Variants in SGSM1 observed in about 807,000 individuals in gnomAD.
The protein encoded by SGSM1 is small G protein signaling modulator 1.
Under a neutral mutation model 133.8 loss-of-function variants are expected in SGSM1, and 73 were observed. The observed-to-expected ratio is 0.55, with a 90% confidence interval of 0.45 to 0.66. The LOEUF is 0.66. Among genes scored for constraint, SGSM1 ranks in the 30% least tolerant of loss-of-function variants. The pLI, the probability that SGSM1 is intolerant of heterozygous loss-of-function variation, is 0.00. For missense variants in SGSM1, 1,213 were observed against 1,448.1 expected (o/e 0.84, Z 2.64); for synonymous variants, 563 against 573.0 (o/e 0.98, Z 0.25).
intron 3 of SGSM1, among the ~76,000 whole-genome samples, chr22:24,845,979 T>C (rs976093187): frequency 2.0e-5 from 3 of 148,200 alleles, no homozygotes; most frequent in African/African-American, 7.6e-5. Context: ...CTTTCTTTCT[T>C]TCTTTCTTTC....
intron 2 of SGSM1, among the ~76,000 whole-genome samples, chr22:24,816,737 C>G (rs2147786667): frequency 6.6e-6 from 1 of 152,214 alleles, no homozygotes; most frequent in African/African-American, 2.4e-5. Context: ...CCAGGGGCGC[C>G]AATGATGTCA....
intron 12 of SGSM1, among the ~76,000 whole-genome samples, chr22:24,870,230 G>T (rs1931702116): frequency 6.6e-6 from 1 of 152,230 alleles, no homozygotes; most frequent in Admixed American, 6.5e-5. Context: ...ATCCTGGCTG[G>T]ACACCAAGGC....
At position 24,890,251 on chromosome 22, in the gene SGSM1, C is replaced by T. The variant is rs532737043; in HGVS notation, c.1771-3180C>T. On this transcript the variant is annotated intron_variant, in intron 16 of 24. Coordinates refer to ENST00000400358, the MANE Select transcript of SGSM1 (RefSeq NM_001098497.3). Reference sequence around the variant, plus strand: ...GATTACAGGCATGAGCCACCACGCCCGGACTTAAACGGATTTTTGACTTAA... The same window carrying T: ...GATTACAGGCATGAGCCACCACGCCTGGACTTAAACGGATTTTTGACTTAA... 1.3e-4 allele frequency among the ~76,000 whole-genome samples: 20 copies of T among 152,284 alleles called. No individual in the cohort carries two copies. In the East Asian group the frequency reaches 1.7e-3, roughly 13 times the overall value.
intron 8 of SGSM1, among the ~76,000 whole-genome samples, chr22:24,858,033 G>A (rs1930909298): frequency 6.6e-6 from 1 of 152,218 alleles, no homozygotes; most frequent in Admixed American, 6.5e-5. Flanking sequence ...CTGGAGTGCA[G>A]TGGTGTGATC....
chr22:24,858,635 C>CAAAAAAA lies in SGSM1; in HGVS notation c.802-1066_802-1060dup, dbSNP rs139699. Among the ~76,000 whole-genome samples the CAAAAAAA allele has an allele frequency of 1.3e-3, 109 of 82,956 alleles. 1 individual carries two copies. The highest frequency in any genetic ancestry group is 3.3e-3 in the African/African-American group (93 of 27,942). The allele number at this position is 82,956 out of a possible 152,430, so 54.4% of individuals were successfully genotyped here. A position where few individuals can be genotyped will look rare whatever the true frequency, so the allele number is the denominator to read the frequency against. ...TTGGCAACAGAGCGAGACTCCATCT[C>CAAAAAAA]AAAAAAAAAAAAAAAAAAAAAGAAG... is the stretch of plus-strand genomic sequence containing the variant. On this transcript the variant is annotated intron_variant, in intron 8 of 24. Transcript: ENST00000400358.
rs371512913 is a variant in SGSM1, at chr22:24,905,200, T to C, written c.2818+13T>C. On this transcript the variant is annotated intron_variant, in intron 21 of 24. Transcript: ENST00000400358. ...ATTCTGGATGATGGTGAGTGTGTCT[T>C]TACTGCCCTAGGGCTGAGGGTGCAT... 3.7e-6 allele frequency: 6 copies of C among 1,612,588 alleles called. No homozygotes were observed. The highest frequency in any genetic ancestry group is 4.2e-6 in the Non-Finnish European group (5 of 1,178,730).
chr22:24,838,347 G>A (rs1311010256), intron 2 of SGSM1, among the ~76,000 whole-genome samples: 1 of 152,168 alleles, frequency 6.6e-6, no homozygotes, highest in Admixed American at 6.5e-5. Flanking sequence ...CCATCTCCCT[G>A]ACTGACTAAA....
chr22:24,820,082 T>C (rs1601889049), intron 2 of SGSM1, among the ~76,000 whole-genome samples: 1 of 151,486 alleles, frequency 6.6e-6, no homozygotes, highest in Admixed American at 6.6e-5. Flanking sequence ...GTCTCCAGGG[T>C]GTGGGCTGGG....
intron 5 of SGSM1, among the ~76,000 whole-genome samples, chr22:24,853,077 C>G (rs1396759212): frequency 2.0e-5 from 3 of 152,196 alleles, no homozygotes; most frequent in Non-Finnish European, 2.9e-5. Context: ...TTCCAACAAT[C>G]CAGGCATTTG....
chr22:24,860,912 AAAAAAAAAAAATATATATATAT>A (rs1352898586), intron 9 of SGSM1, among the ~76,000 whole-genome samples: 2 of 97,776 alleles, frequency 2.0e-5, no homozygotes, highest in East Asian at 2.9e-4. Flanking sequence ...AAAAAAAAAA[AAAAAAAAAAAATATATATATAT>A]ATATATATAT....
At chr22:24,900,995 A>G (rs1352668621) in intron 19 of SGSM1, among the ~76,000 whole-genome samples, 1 of 152,208 alleles carries the variant, frequency 6.6e-6, no homozygotes, top group Non-Finnish European at 1.5e-5. Flanking sequence ...ACATTCTCTG[A>G]TCTTTCAGAC....
At chr22:24,910,769 A>T (rs1933588597) in intron 21 of SGSM1, among the ~76,000 whole-genome samples, 1 of 152,108 alleles carries the variant, frequency 6.6e-6, no homozygotes, top group African/African-American at 2.4e-5. Flanking sequence ...ACATGGTGAA[A>T]CCCCATTTCT....
At chr22:24,911,644 C>T (rs73157931) in intron 21 of SGSM1, among the ~76,000 whole-genome samples, 4,721 of 152,222 alleles carry the variant, frequency 0.031, 122 homozygotes, top group Admixed American at 0.094. Flanking sequence ...GGCCCATTAC[C>T]TCTGTGGTTT....
At chr22:24,812,203 G>A (rs1381806479) in intron 2 of SGSM1, among the ~76,000 whole-genome samples, 1 of 151,506 alleles carries the variant, frequency 6.6e-6, no homozygotes, top group Non-Finnish European at 1.5e-5. Flanking sequence ...AGAAAAATTA[G>A]GCATTCCTAA....
At position 24,823,077 on chromosome 22, in the gene SGSM1, C is replaced by G. The variant is rs532390379; in HGVS notation, c.63+16593C>G. Among the ~76,000 whole-genome samples the G allele has an allele frequency of 2.6e-5, 4 of 152,136 alleles. No individual in the cohort carries two copies. In the South Asian group the frequency reaches 8.3e-4, roughly 32 times the overall value. On this transcript the variant is annotated intron_variant, in intron 2 of 24. Coordinates refer to ENST00000400358, the MANE Select transcript of SGSM1 (RefSeq NM_001098497.3). ...GGATTTGAATCTTGCCCTGCCATTT[C>G]TAAGCCTTGTGCTCTCGGGCAAGTC...
Position 24,898,086 on chromosome 22 carries a change from G to A in SGSM1, c.2137G>A (p.Gly713Ser). 1 of 1,613,898 alleles carries A rather than the reference G, an allele frequency of 6.2e-7. No individual in the cohort carries two copies. Among genetic ancestry groups the A allele is most frequent in the Non-Finnish European group, 8.5e-7 (1 of 1,179,878 alleles). ...LVNGTCSPDS[G>S]HPSSHNFSSG... is the part of the protein sequence containing the mutation. ...GAACGGCACTTGTTCCCCAGACTCG[G>A]GTCATCCTTCCTCCCATAACTTCTC... Residue 713 changes from glycine to serine, a missense_variant, in exon 19 of 25, where the codon GGT (glycine) becomes AGT (serine). Transcript: ENST00000400358.
At chr22:24,852,394 A>G (rs1569148013) in intron 5 of SGSM1, among the ~76,000 whole-genome samples, 1 of 152,186 alleles carries the variant, frequency 6.6e-6, no homozygotes, top group Non-Finnish European at 1.5e-5. Flanking sequence ...AACTCCCTTC[A>G]GCTACTTCTT....
At chr22:24,905,288 A>G in intron 21 of SGSM1, 101 bp downstream of exon 21, 1 of 1,189,226 alleles carries the variant, frequency 8.4e-7, no homozygotes, top group Non-Finnish European at 1.3e-6. Flanking sequence ...ATGTGGCTCC[A>G]GCCAGGTGCT....
chr22:24,882,784 T>A (rs917953255), intron 14 of SGSM1, among the ~76,000 whole-genome samples: 1 of 152,182 alleles, frequency 6.6e-6, no homozygotes, highest in Non-Finnish European at 1.5e-5. Context: ...GCCTCGCGTT[T>A]TTTTGCTTAA....
Sources: allele counts gnomAD v4.1 joint callset (sites outside exome capture counted in the v4.1 genomes callset), GRCh38; gene constraint gnomAD v4.1.1; transcripts MANE v1.5; gene names NCBI Gene and HGNC (gene_info 2026-07-23, HGNC 2026-07-21).